Variants in SETX observed in about 807,000 individuals in gnomAD.
The protein encoded by SETX is senataxin, also known as helicase senataxin.
SETX carries 90 observed loss-of-function variants against 227.2 expected under a neutral mutation model. That is an observed-to-expected ratio of 0.40 (90% CI 0.33 to 0.47). The LOEUF is 0.47. SETX is among the 20% of genes least tolerant of loss of function. The pLI is 0.91. For synonymous variants in SETX, 1,210 were observed against 1,113.2 expected, an observed-to-expected ratio of 1.09 and a Z score of -1.73; for missense variants, 3,052 against 3,181.5, an observed-to-expected ratio of 0.96 and a Z score of 0.98.
chr9:132,273,029 T>C (rs1207710095), intron 23 of SETX, among the ~76,000 whole-genome samples: 4 of 152,224 alleles, frequency 2.6e-5, no homozygotes, highest in African/African-American at 9.6e-5. Context: ...ACTCAGGAGT[T>C]TGAGAACAGC....
At chr9:132,268,087 C>T (rs985867008) in intron 25 of SETX, among the ~76,000 whole-genome samples, 1 of 152,168 alleles carries the variant, frequency 6.6e-6, no homozygotes, top group Non-Finnish European at 1.5e-5. Context: ...TGTTAACAGG[C>T]TATTCAATTG....
chr9:132,295,763 A>G, intron 15 of SETX, 109 bp downstream of exon 15: 1 of 983,588 alleles, frequency 1.0e-6, no homozygotes, highest in South Asian at 1.4e-5. Flanking sequence ...CCACAGATTC[A>G]AGTAGAAGCT....
Position 132,283,294 on chromosome 9 carries a change from A to C in SETX, c.6516T>G (p.Gly2172=), listed in dbSNP as rs1589637509. 2 of 1,614,140 alleles carry C rather than the reference A, an allele frequency of 1.2e-6. No homozygotes were observed. Among genetic ancestry groups the C allele is most frequent in the South Asian group, 1.1e-5 (1 of 91,082 alleles). ...LLESAFRGQG[G]VPFSCVIVDE... ...CAACAATGACACAGCTGAAGGGGAC[A>C]CCCCCTTGCCCACGGAAAGCAGACT... The change falls in exon 19 of 26, where the codon GGT becomes GGG. Residue 2172 remains glycine, a synonymous_variant. Transcript: ENST00000224140.
At chr9:132,354,424 A>G (rs1312551256) in intron 1 of SETX, among the ~76,000 whole-genome samples, 1 of 150,654 alleles carries the variant, frequency 6.6e-6, no homozygotes, top group Admixed American at 6.7e-5. Flanking sequence ...GGAGCCCAGG[A>G]AGACGAGGTT....
intron 10 of SETX, among the ~76,000 whole-genome samples, chr9:132,317,896 A>G (rs1208599757): frequency 1.3e-5 from 2 of 152,154 alleles, no homozygotes; most frequent in Non-Finnish European, 2.9e-5. Flanking sequence ...ACACTTATTC[A>G]GTTATATTCC....
At chr9:132,273,418 C>T (rs1228643719) in intron 23 of SETX, among the ~76,000 whole-genome samples, 5 of 152,200 alleles carry the variant, frequency 3.3e-5, no homozygotes, top group Non-Finnish European at 7.3e-5. Flanking sequence ...CCACCTGGGC[C>T]TCCCAAAGTG....
rs757524236 is a variant in SETX at position 132,329,769 on chromosome 9, G to C, written c.1829C>G (p.Ser610Cys). The change falls in exon 10 of 26, where the codon TCT becomes TGT. Residue 610 changes from serine to cysteine, a missense_variant. Ser to Cys is a moderately radical substitution (Grantham distance 112). Transcript: ENST00000224140. Reference sequence around the variant, plus strand: ...AGATGCAGGAGAGATTTTACATGCAGAAGTCAGATCCACAAAAGTGTTACA... The same window carrying C: ...AGATGCAGGAGAGATTTTACATGCACAAGTCAGATCCACAAAAGTGTTACA... ...PPCNTFVDLT[S>C]ACKISPASYN... 3 of 1,614,072 alleles carry C rather than the reference G, an allele frequency of 1.9e-6. No individual in the cohort carries two copies. The highest frequency in any genetic ancestry group is 2.7e-5 in the African/African-American group (2 of 75,020).
intron 10 of SETX, among the ~76,000 whole-genome samples, chr9:132,325,954 T>G (rs75891816): frequency 2.1e-5 from 3 of 146,176 alleles, no homozygotes; most frequent in Non-Finnish European, 4.5e-5. Context: ...AAAAAAAAAG[T>G]GTTTCCTCTG....
intron 11 of SETX, among the ~76,000 whole-genome samples, chr9:132,301,520 A>G (rs1844996131): frequency 6.6e-6 from 1 of 152,174 alleles, no homozygotes; most frequent in African/African-American, 2.4e-5. Context: ...GATATATACA[A>G]CAGTGGTCCC....
At chr9:132,283,160 CAA>C (rs371692040) in intron 19 of SETX, 102 bp downstream of exon 19, 307 of 1,152,588 alleles carry the variant, frequency 2.7e-4, no homozygotes, top group Non-Finnish European at 3.0e-4. Context: ...AAATCAGATG[CAA>C]AAAAAAAAAA....
rs1015816358 is a variant in SETX at position 132,335,195 on chromosome 9, C to A, written c.719-468G>T. On this transcript the variant is annotated intron_variant, in intron 6 of 25. Coordinates refer to ENST00000224140, the MANE Select transcript of SETX (RefSeq NM_015046.7). ...CACAAAGTCAGGAGATCGAGACCAT[C>A]CTGGCTAACATGGTGAAACCCCGTC... Among the ~76,000 whole-genome samples, 7 of 151,646 alleles carry A rather than the reference C, an allele frequency of 4.6e-5. No homozygotes were observed. In the East Asian group the frequency reaches 5.8e-4, roughly 13 times the overall value.
intron 13 of SETX, among the ~76,000 whole-genome samples, 171 bp downstream of exon 13, chr9:132,297,909 G>T (rs1271821416): frequency 6.6e-6 from 1 of 152,152 alleles, no homozygotes; most frequent in East Asian, 1.9e-4. Context: ...TTCCTGAAGT[G>T]AGCTGACTTA....
intron 11 of SETX, among the ~76,000 whole-genome samples, chr9:132,304,645 AAAG>A (rs1250676131): frequency 2.4e-4 from 37 of 151,480 alleles, no homozygotes; most frequent in Middle Eastern, 6.9e-3. Flanking sequence ...AAAAAAAAAA[AAAG>A]AAAGAAAGAA....
chr9:132,285,686 C>A (rs531418581), intron 18 of SETX, among the ~76,000 whole-genome samples: 3 of 150,276 alleles, frequency 2.0e-5, no homozygotes, highest in East Asian at 3.9e-4. Context: ...TGGAGACCAT[C>A]CTGGCCAACA....
chr9:132,327,536 G>C lies in SETX; in HGVS notation c.4062C>G (p.Ile1354Met), dbSNP rs370370665. The change falls in exon 10 of 26, where the codon ATC becomes ATG. Residue 1354 changes from isoleucine to methionine, a missense_variant. Physicochemically the swap from Ile to Met is conservative, Grantham distance 10. Transcript: ENST00000224140. The stretch of plus-strand genomic sequence containing the variant: ...GTCTATTTTTTTGTGATTTGGGTCT[G>C]ATCTGCCTTTGCATCTGAAGTTCTT... The part of the protein sequence containing the change: ...TSQELQMQRQ[I>M]RPKSQKNRRR... 1.9e-6 allele frequency: 3 copies of C among 1,613,886 alleles called. No individual in the cohort carries two copies. The African/African-American group carries it at 4.0e-5, about 22-fold the overall frequency.
At chr9:132,278,047 C>T (rs1485949813) in intron 21 of SETX, 23 bp downstream of exon 21, 25 of 1,603,378 alleles carry the variant, frequency 1.6e-5, no homozygotes, top group Non-Finnish European at 2.0e-5. Context: ...AAAATAAGGT[C>T]ACAAACAATA....
At chr9:132,305,033 T>C (rs1042644835) in intron 11 of SETX, among the ~76,000 whole-genome samples, 7 of 149,938 alleles carry the variant, frequency 4.7e-5, no homozygotes, top group African/African-American at 1.7e-4. Flanking sequence ...TTAAACATAT[T>C]AGCTACTTAT....
At chr9:132,326,034 A>T (rs1042897065) in intron 10 of SETX, among the ~76,000 whole-genome samples, 1 of 151,898 alleles carries the variant, frequency 6.6e-6, no homozygotes, top group African/African-American at 2.4e-5. Context: ...CCAGTATCTA[A>T]ATCGAAACGG....
At chr9:132,271,683 A>G in intron 24 of SETX, 27 bp downstream of exon 24, 1 of 1,563,442 alleles carries the variant, frequency 6.4e-7, no homozygotes, top group Non-Finnish European at 8.8e-7. Flanking sequence ...ATACAAGTAT[A>G]AAAGAGCAAC....
Sources: allele counts gnomAD v4.1 joint callset (sites outside exome capture counted in the v4.1 genomes callset), GRCh38; gene constraint gnomAD v4.1.1; transcripts MANE v1.5; gene names NCBI Gene and HGNC (gene_info 2026-07-23, HGNC 2026-07-21).